Variants in NUP210L observed in about 807,000 individuals in gnomAD.
The protein encoded by NUP210L is nucleoporin 210 like.
Under a neutral mutation model 208.5 loss-of-function variants are expected in NUP210L, and 74 were observed. That is an observed-to-expected ratio of 0.35 (90% CI 0.29 to 0.43). The LOEUF is 0.43. Among genes scored for constraint, NUP210L ranks in the 20% least tolerant of loss-of-function variants. NUP210L has a pLI of 1.00. For missense variants in NUP210L, 1,843 were observed against 2,289.4 expected (o/e 0.81, Z 3.98); for synonymous variants, 780 against 816.9 (o/e 0.95, Z 0.77).
chr1:154,001,211 T>C, intron 36 of NUP210L, 151 bp from the exon 37 acceptor site: 1 of 724,678 alleles, frequency 1.4e-6, no homozygotes, highest in South Asian at 1.9e-5. Flanking sequence ...TTTTTTGTTG[T>C]TGTTGAGAGG....
At chr1:154,103,671 C>CA (rs553564283) in intron 13 of NUP210L, among the ~76,000 whole-genome samples, 800 of 36,062 alleles carry the variant, frequency 0.022, 2 homozygotes, top group Non-Finnish European at 0.026. Flanking sequence ...GACTCCGTCT[C>CA]AAAAAAAAAA....
intron 14 of NUP210L, among the ~76,000 whole-genome samples, chr1:154,096,635 C>T (rs1393990912): frequency 4.6e-5 from 7 of 151,776 alleles, no homozygotes; most frequent in African/African-American, 1.7e-4. Context: ...TGGTGCACGC[C>T]TGTAATCCCA....
At chr1:154,079,258 C>CA (rs1370097633) in intron 16 of NUP210L, among the ~76,000 whole-genome samples, 2 of 149,408 alleles carry the variant, frequency 1.3e-5, no homozygotes, top group East Asian at 1.9e-4. Flanking sequence ...AAACCTATCT[C>CA]AAAAAAAAAG....
chr1:154,015,086 G>A (rs1651163229), intron 33 of NUP210L, among the ~76,000 whole-genome samples: 1 of 152,142 alleles, frequency 6.6e-6, no homozygotes, highest in East Asian at 1.9e-4. Flanking sequence ...GGGTACATGT[G>A]CAGGATGTGC....
At chr1:154,002,074 T>C (rs1023865630) in intron 35 of NUP210L, 89 bp from the exon 36 acceptor site, 11 of 1,341,030 alleles carry the variant, frequency 8.2e-6, no homozygotes, top group Admixed American at 4.6e-5. Flanking sequence ...AATTGTGACA[T>C]GCAAATTCAG....
chr1:154,127,093 G>A (rs1257255109), intron 9 of NUP210L, among the ~76,000 whole-genome samples: 2 of 144,092 alleles, frequency 1.4e-5, no homozygotes, highest in Non-Finnish European at 3.0e-5. Context: ...GTGACAGAGC[G>A]AGACTGTGTC....
At chr1:154,129,135 G>T in intron 8 of NUP210L, 142 bp downstream of exon 8, 1 of 563,918 alleles carries the variant, frequency 1.8e-6, no homozygotes, top group Non-Finnish European at 3.1e-6. Context: ...AGAACAATTT[G>T]ATAAAACATG....
At chr1:154,093,651 G>A (rs781045655) in intron 15 of NUP210L, among the ~76,000 whole-genome samples, 6 of 152,040 alleles carry the variant, frequency 3.9e-5, no homozygotes, top group Non-Finnish European at 7.4e-5. Context: ...AAATAAAATA[G>A]AATGAAGTTC....
chr1:154,078,736 GA>G (rs1256027678), intron 16 of NUP210L: 1 of 152,084 alleles, frequency 6.6e-6, no homozygotes, highest in Non-Finnish European at 1.5e-5. Context: ...ATACACTACT[GA>G]AATTAAGTTG....
chr1:153,997,601 G>C (rs937481644), intron 37 of NUP210L, among the ~76,000 whole-genome samples: 3 of 151,248 alleles, frequency 2.0e-5, no homozygotes, highest in African/African-American at 7.3e-5. Context: ...AGAGTAGCTA[G>C]GACTGCAGGC....
intron 37 of NUP210L, among the ~76,000 whole-genome samples, chr1:153,998,183 C>T (rs912594343): frequency 1.2e-4 from 19 of 152,068 alleles, no homozygotes; most frequent in African/African-American, 4.6e-4. Context: ...GCACACAATA[C>T]TGCTGATATT....
chr1:154,095,947 T>C (rs2148055447), intron 14 of NUP210L, among the ~76,000 whole-genome samples: 1 of 152,356 alleles, frequency 6.6e-6, no homozygotes, highest in African/African-American at 2.4e-5. Flanking sequence ...CAACAGTGAC[T>C]AATTTTTTTT....
chr1:154,122,384 C>T (rs541837978), intron 10 of NUP210L, among the ~76,000 whole-genome samples: 9 of 152,226 alleles, frequency 5.9e-5, no homozygotes, highest in East Asian at 1.9e-4. Context: ...AGGCCCAGCG[C>T]GGTGGCTCAC....
chr1:154,105,613 T>C (rs1426898096), intron 12 of NUP210L, among the ~76,000 whole-genome samples: 1 of 152,206 alleles, frequency 6.6e-6, no homozygotes, highest in Admixed American at 6.5e-5. Context: ...CCAGCTGTGA[T>C]GACCATGAGC....
chr1:154,042,978 C>T (rs1652974630), intron 27 of NUP210L, among the ~76,000 whole-genome samples: 2 of 147,022 alleles, frequency 1.4e-5, no homozygotes, highest in South Asian at 4.3e-4. Flanking sequence ...TCCCAAATTG[C>T]TGGAATTACA....
chr1:154,120,298 T>A (rs185756722), intron 10 of NUP210L, among the ~76,000 whole-genome samples: 270 of 152,154 alleles, frequency 1.8e-3, no homozygotes, highest in African/African-American at 6.2e-3. Context: ...TATGCAGCCA[T>A]AAAAAAGGGT....
At chr1:154,149,007 C>T (rs1659247780) in intron 2 of NUP210L, among the ~76,000 whole-genome samples, 3 of 151,102 alleles carry the variant, frequency 2.0e-5, no homozygotes, top group Non-Finnish European at 2.9e-5. Flanking sequence ...ACACAAGCAG[C>T]TGTGACCTTA....
At chr1:154,141,941 C>A (rs140746000) in intron 3 of NUP210L, among the ~76,000 whole-genome samples, 8 of 152,006 alleles carry the variant, frequency 5.3e-5, no homozygotes, top group Non-Finnish European at 8.8e-5. Flanking sequence ...GCAGGAGGAT[C>A]GCTGGAACCC....
intron 2 of NUP210L, among the ~76,000 whole-genome samples, chr1:154,151,614 C>A (rs534119389): frequency 1.3e-5 from 2 of 152,226 alleles, no homozygotes; most frequent in East Asian, 3.9e-4. Context: ...TATCTAATTG[C>A]AAAGTCCACT....
Sources: gnomAD v4.1 joint callset for allele counts (sites outside exome capture counted in the v4.1 genomes callset) on GRCh38, gnomAD v4.1.1 for gene constraint, MANE v1.5 for transcripts, NCBI Gene and HGNC (gene_info 2026-07-23, HGNC 2026-07-21) for gene names.